The following SCN3B variants were observed in gnomAD, a reference collection of about 807,000 sequenced individuals.
SCN3B encodes sodium channel regulatory subunit beta-3.
In SCN3B, 11 loss-of-function variants were observed where a neutral mutation model predicts 25.4. That is an observed-to-expected ratio of 0.43 (90% CI 0.27 to 0.72). The LOEUF is 0.72. Ranked by LOEUF, SCN3B falls within the 30% of genes least tolerant of loss-of-function variation. SCN3B has a pLI of 0.18. For synonymous variants in SCN3B, 109 were observed against 110.7 expected, an observed-to-expected ratio of 0.99 and a Z score of 0.09; for missense variants, 218 against 278.3, an observed-to-expected ratio of 0.78 and a Z score of 1.54.
In SCN3B at chr11:123,631,021, C is replaced by T. The variant is rs1472251892; in HGVS notation, c.*2778G>A. 1 of 152,124 alleles carries T rather than the reference C, an allele frequency of 6.6e-6. No individual in the cohort carries two copies. Among genetic ancestry groups the T allele is most frequent in the Non-Finnish European group, 1.5e-5 (1 of 68,040 alleles). The allele number at this position is 152,124 out of a possible 1,614,324, so 9.4% of individuals were successfully genotyped here. ...AGTTTCTTCTTTTGTAATGTGACCT[C>T]ACAGGACCAGTTATAGAGAAGAAAT... On this transcript the variant is annotated 3_prime_UTR_variant, in exon 7 of 7. Transcript: ENST00000299333.
intron 5 of SCN3B, among the ~76,000 whole-genome samples, chr11:123,637,983 A>C (rs1955746224): frequency 6.6e-6 from 1 of 152,180 alleles, no homozygotes; most frequent in Admixed American, 6.5e-5. Context: ...ATTTTTCGTA[A>C]TGAATTAAGA....
chr11:123,651,395 G>T (rs1346420745), intron 2 of SCN3B, among the ~76,000 whole-genome samples: 1 of 151,284 alleles, frequency 6.6e-6, no homozygotes, highest in African/African-American at 2.4e-5. Flanking sequence ...ATGGAGTCTC[G>T]CCCTGTTGCC....
intron 2 of SCN3B, among the ~76,000 whole-genome samples, chr11:123,649,197 G>C (rs1955889653): frequency 6.6e-6 from 1 of 152,230 alleles, no homozygotes; most frequent in African/African-American, 2.4e-5. Context: ...TCTTTGAAAA[G>C]GTGAGAGGTG....
chr11:123,652,721 G>A (rs1003980308), intron 2 of SCN3B, among the ~76,000 whole-genome samples: 1 of 152,068 alleles, frequency 6.6e-6, no homozygotes, highest in African/African-American at 2.4e-5. Flanking sequence ...TTTATCTGAG[G>A]ATCTAATCAT....
Position 123,642,763 on chromosome 11 carries a change from G to T in SCN3B, c.220-92C>A, listed in dbSNP as rs574416973. 2.1e-6 allele frequency: 2 copies of T among 953,838 alleles called. No individual in the cohort carries two copies. Among genetic ancestry groups the T allele is most frequent in the East Asian group, 2.5e-5 (1 of 39,522 alleles). The allele number at this position is 953,838 out of a possible 1,614,324, so 59.1% of individuals were successfully genotyped here. A position where few individuals can be genotyped will look rare whatever the true frequency, so the allele number is the denominator to read the frequency against. ...AGGGACAGGGCAGAGAAAAGGAGCA[G>T]AATTGTGCATGGACAGGGAAGAGAG... is the stretch of plus-strand genomic sequence containing the variant. On this transcript the variant is annotated intron_variant, in intron 3 of 6. Coordinates refer to ENST00000299333, the MANE Select transcript of SCN3B (RefSeq NM_001040151.2). The surrounding 1 kb of genome is among the most constrained non-coding windows in gnomAD (Gnocchi z 4.3).
intron 3 of SCN3B, 130 bp downstream of exon 3, chr11:123,645,457 G>C: frequency 1.0e-6 from 1 of 993,888 alleles, no homozygotes. Flanking sequence ...GTTATCTGCT[G>C]AGGATCTGTC....
chr11:123,651,738 G>C (rs1049505055), intron 2 of SCN3B, among the ~76,000 whole-genome samples: 1 of 152,152 alleles, frequency 6.6e-6, no homozygotes, highest in Admixed American at 6.5e-5. Flanking sequence ...CAGCTTTTCA[G>C]TTTGGTGAGA....
At chr11:123,636,655 C>T (rs2137233826) in intron 5 of SCN3B, among the ~76,000 whole-genome samples, 1 of 151,624 alleles carries the variant, frequency 6.6e-6, no homozygotes, top group African/African-American at 2.4e-5. Flanking sequence ...CTCAGCCGTT[C>T]TGTCTCTGAA....
At chr11:123,650,619 G>C (rs1955912971) in intron 2 of SCN3B, among the ~76,000 whole-genome samples, 1 of 152,136 alleles carries the variant, frequency 6.6e-6, no homozygotes, top group African/African-American at 2.4e-5. Flanking sequence ...ACAGGTGATG[G>C]TGTTGGGGAG....
At chr11:123,636,271 A>G in intron 5 of SCN3B, among the ~76,000 whole-genome samples, 1 of 152,216 alleles carries the variant, frequency 6.6e-6, no homozygotes, top group Non-Finnish European at 1.5e-5. Context: ...ATTTCTATCA[A>G]CAATTTTGTG....
intron 5 of SCN3B, 59 bp downstream of exon 5, chr11:123,638,127 G>A: frequency 6.2e-7 from 1 of 1,603,310 alleles, no homozygotes; most frequent in Non-Finnish European, 8.5e-7. Context: ...CCTCACCTGT[G>A]AGAGCAAGCA....
intron 4 of SCN3B, among the ~76,000 whole-genome samples, chr11:123,641,953 A>C (rs1955796703): frequency 1.3e-5 from 2 of 152,264 alleles, no homozygotes; most frequent in South Asian, 2.1e-4. Flanking sequence ...CCACCGACAA[A>C]AGCAGAAAGG....
chr11:123,643,475 T>C (rs1461334858), intron 3 of SCN3B, among the ~76,000 whole-genome samples: 1 of 152,276 alleles, frequency 6.6e-6, no homozygotes, highest in Non-Finnish European at 1.5e-5. Context: ...ATGTAGCTAC[T>C]TAAATTCAAT....
rs1306256676 is a variant in SCN3B, at chr11:123,629,243, A to AAC, written c.*4555_*4556insGT. The AAC allele has an allele frequency of 6.6e-6, 1 of 152,250 alleles. No homozygotes were observed. Among genetic ancestry groups the AAC allele is most frequent in the African/African-American group, 2.4e-5 (1 of 41,470 alleles). The allele number at this position is 152,250 out of a possible 1,614,324, so 9.4% of individuals were successfully genotyped here. A position where few individuals can be genotyped will look rare whatever the true frequency, so the allele number is the denominator to read the frequency against. On this transcript the variant is annotated 3_prime_UTR_variant, in exon 7 of 7. Coordinates refer to ENST00000299333, the MANE Select transcript of SCN3B (RefSeq NM_001040151.2). ...CAAGGAGTTTACTGAAAAACAGCAC[A>AAC]TACAGGCATTACGTTGTTGAGGGCT...
Position 123,633,018 on chromosome 11 carries a change from T to C in SCN3B, c.*781A>G, listed in dbSNP as rs1243999410. On this transcript the variant is annotated 3_prime_UTR_variant, in exon 7 of 7. Transcript: ENST00000299333. Reference sequence around the variant, plus strand: ...TTTCAGTCCTAATGCCCAGGTGGTGTGCCCACAGGGAGGGCACACATACAT... The same window carrying C: ...TTTCAGTCCTAATGCCCAGGTGGTGCGCCCACAGGGAGGGCACACATACAT... 1.3e-5 allele frequency: 2 copies of C among 152,210 alleles called. No individual in the cohort carries two copies. The highest frequency in any genetic ancestry group is 4.8e-5 in the African/African-American group (2 of 41,450). 9.4% of individuals were successfully genotyped at this position (152,210 alleles called of 1,614,324 possible).
chr11:123,648,192 A>C (rs1370629369), intron 2 of SCN3B, among the ~76,000 whole-genome samples: 2 of 152,226 alleles, frequency 1.3e-5, no homozygotes, highest in Non-Finnish European at 2.9e-5. Context: ...TGACAAACTC[A>C]GAAGTGGACT....
chr11:123,652,214 C>G (rs1455380303), intron 2 of SCN3B, among the ~76,000 whole-genome samples: 2 of 152,210 alleles, frequency 1.3e-5, no homozygotes, highest in Non-Finnish European at 2.9e-5. Flanking sequence ...TTCTAAGCCT[C>G]GTGTCCTCAG....
chr11:123,648,539 A>G (rs774890909), intron 2 of SCN3B, among the ~76,000 whole-genome samples: 10 of 152,232 alleles, frequency 6.6e-5, no homozygotes, highest in Non-Finnish European at 1.3e-4. Flanking sequence ...TATGGAGCTT[A>G]CATTCCAATG....
Position 123,653,817 on chromosome 11 carries a change from G to T in SCN3B, c.-16C>A. On this transcript the variant is annotated 5_prime_UTR_variant, in exon 2 of 7. Coordinates refer to ENST00000299333, the MANE Select transcript of SCN3B (RefSeq NM_001040151.2). ...AGGCAGGCATCTTCTGGGGCTGGCGGCTTCCAAGGCTACACAGAGAGATTC... is the reference window on the plus strand; with the variant it reads ...AGGCAGGCATCTTCTGGGGCTGGCGTCTTCCAAGGCTACACAGAGAGATTC... 1 of 1,614,130 alleles carries T rather than the reference G, an allele frequency of 6.2e-7. No individual in the cohort carries two copies. Among genetic ancestry groups the T allele is most frequent in the Non-Finnish European group, 8.5e-7 (1 of 1,179,954 alleles).
Sources: gnomAD v4.1 joint callset for allele counts (sites outside exome capture counted in the v4.1 genomes callset) on GRCh38, gnomAD v4.1.1 for gene constraint, Gnocchi (gnomAD v3.1) non-coding constraint, MANE v1.5 for transcripts, NCBI Gene and HGNC (gene_info 2026-07-23, HGNC 2026-07-21) for gene names.